SP140: variants seen among roughly 807,000 people sequenced by gnomAD.
SP140 encodes the protein nuclear body protein SP140.
A neutral mutation model predicts 125.0 loss-of-function variants in SP140; 81 were observed. The ratio of observed to expected loss-of-function variants is 0.65; its 90% CI spans 0.54 to 0.78. The LOEUF is 0.78. SP140 is among the 30% of genes least tolerant of loss of function. The pLI, the probability that SP140 is intolerant of heterozygous loss-of-function variation, is 0.00. For synonymous variants in SP140, 312 were observed against 354.0 expected (o/e 0.88, Z 1.33); for missense variants, 858 against 1,037.0 (o/e 0.83, Z 2.37).
At chr2:230,274,846 C>T (rs568099441) in intron 15 of SP140, among the ~76,000 whole-genome samples, 4 of 151,904 alleles carry the variant, frequency 2.6e-5, no homozygotes, top group African/African-American at 9.7e-5. Flanking sequence ...GCTTTGTTAG[C>T]ACATTTAGAA....
At chr2:230,195,124 C>T in the SP140 span, among the ~76,000 whole-genome samples, 2 of 151,850 alleles carry the variant, frequency 1.3e-5, no homozygotes, top group Non-Finnish European at 2.9e-5. Context: ...AGAAAAAACC[C>T]ACATCTTTTA....
At position 230,211,245 on chromosome 2, in the gene SP140, C is replaced by T. The variant is rs1441959478; in HGVS notation, c.-322-2409C>T. Among the ~76,000 whole-genome samples the T allele has an allele frequency of 6.6e-6, 1 of 152,154 alleles. No individual in the cohort carries two copies. Among genetic ancestry groups the T allele is most frequent in the Non-Finnish European group, 1.5e-5 (1 of 68,028 alleles). Reference sequence around the variant, plus strand: ...TCATCCGTGGCCCTATCCAAGTCTACCTTTTCCAGACTTGCCTCCTTTGCC... The same window carrying T: ...TCATCCGTGGCCCTATCCAAGTCTATCTTTTCCAGACTTGCCTCCTTTGCC... On this transcript the variant is annotated intron_variant, in intron 1 of 4. Coordinates refer to the SP140 transcript ENST00000456542. This position sits in a 1 kb window ranked among gnomAD's most constrained non-coding sequence, Gnocchi z 4.2.
the SP140 span, among the ~76,000 whole-genome samples, chr2:230,193,853 C>T: frequency 7.9e-5 from 12 of 152,276 alleles, no homozygotes; most frequent in East Asian, 2.3e-3. Flanking sequence ...CAAGCTTAGA[C>T]AAAATCTTGA....
At chr2:230,260,094 G>A (rs2051972882) in intron 12 of SP140, among the ~76,000 whole-genome samples, 1 of 151,976 alleles carries the variant, frequency 6.6e-6, no homozygotes, top group African/African-American at 2.4e-5. Context: ...CTGCATCCAT[G>A]CCAGCATCTA....
intron 12 of SP140, among the ~76,000 whole-genome samples, chr2:230,259,908 T>C (rs1380956128): frequency 6.6e-6 from 1 of 151,890 alleles, no homozygotes; most frequent in Non-Finnish European, 1.5e-5. Flanking sequence ...AACATGCATG[T>C]GCAAGTATCT....
Position 230,311,359 on chromosome 2 carries a change from C to T in SP140, c.2362-93C>T. 3 of 1,613,792 alleles carry T rather than the reference C, an allele frequency of 1.9e-6. No homozygotes were observed. In the South Asian group the frequency reaches 3.3e-5, roughly 18 times the overall value. On this transcript the variant is annotated intron_variant, in intron 25 of 26. Coordinates refer to ENST00000392045, the MANE Select transcript of SP140 (RefSeq NM_007237.5). ...CACACGCTGTCGTTAGTTGCCTTCA[C>T]CTTGTTGTATTTCTGCTGGATTTTA... is the stretch of plus-strand genomic sequence containing the variant.
chr2:230,284,355 G>T lies in SP140; in HGVS notation c.1508G>T (p.Arg503Met). Residue 503 changes from arginine to methionine, a missense_variant, in exon 16 of 27, where the codon AGG becomes ATG. Coordinates refer to ENST00000392045, the MANE Select transcript of SP140 (RefSeq NM_007237.5). ...TCTCTTTGGTTTGAAGGAAAAAAGA[G>T]GGGGCATGGCTGGAGCAGAATGAGA... The part of the protein sequence containing the change: ...GKPKRKRRKK[R>M]GHGWSRMRMR... 1.9e-6 allele frequency: 3 copies of T among 1,604,550 alleles called. No homozygotes were observed. Among genetic ancestry groups the T allele is most frequent in the Non-Finnish European group, 2.6e-6 (3 of 1,176,064 alleles).
intron 1 of SP140, chr2:230,209,782 A>G (rs1402149421): frequency 2.9e-6 from 2 of 701,400 alleles, no homozygotes; most frequent in East Asian, 4.9e-5. Context: ...TTTTTGGAAG[A>G]TGCAGCAAAT....
chr2:230,202,522 A>G (rs879010004), upstream of SP140: 4 of 1,563,256 alleles, frequency 2.6e-6, no homozygotes, highest in South Asian at 4.4e-5. Flanking sequence ...TACCTGCTTC[A>G]GGAGAGACCC....
chr2:230,209,613 C>T (rs1026539386), intron 1 of SP140, among the ~76,000 whole-genome samples: 13 of 152,162 alleles, frequency 8.5e-5, no homozygotes, highest in African/African-American at 2.7e-4. Flanking sequence ...AAGTGGGTTC[C>T]TCTCTGGGGA....
At chr2:230,309,189 C>G (rs1300590099) in intron 22 of SP140, among the ~76,000 whole-genome samples, 5 of 152,236 alleles carry the variant, frequency 3.3e-5, no homozygotes, top group African/African-American at 1.2e-4. Context: ...TTTTATGGGC[C>G]CAGGAAATGA....
chr2:230,292,936 A>G (rs1256663104), intron 20 of SP140, 148 bp downstream of exon 20: 5 of 1,181,270 alleles, frequency 4.2e-6, no homozygotes, highest in African/African-American at 1.5e-5. Flanking sequence ...GGGACCCCAC[A>G]TTCATAACCA....
chr2:230,202,188 A>T (rs572141943), upstream of SP140, among the ~76,000 whole-genome samples: 1 of 152,330 alleles, frequency 6.6e-6, no homozygotes, highest in South Asian at 2.1e-4. Flanking sequence ...CAATTGGTTT[A>T]TTATTGTTAC....
At chr2:230,314,421 G>A (rs150826133), downstream of SP140, among the ~76,000 whole-genome samples, 2,166 of 152,312 alleles carry the variant, frequency 0.014, 55 homozygotes, top group African/African-American at 0.05. Context: ...ATTGTGTCTG[G>A]GAGTGGATCC....
chr2:230,299,457 C>A (rs1331313580), intron 22 of SP140, among the ~76,000 whole-genome samples: 2 of 152,192 alleles, frequency 1.3e-5, no homozygotes, highest in Non-Finnish European at 2.9e-5. Flanking sequence ...GCATTTCAGT[C>A]CCCAGGGAAG....
intron 1 of SP140, among the ~76,000 whole-genome samples, chr2:230,208,373 G>GTGA (rs2044107473): frequency 6.6e-6 from 1 of 152,220 alleles, no homozygotes; most frequent in African/African-American, 2.4e-5. Context: ...TTAATGAGCT[G>GTGA]TGATACATGT....
chr2:230,275,513 C>G (rs1421024754), intron 15 of SP140, among the ~76,000 whole-genome samples: 1 of 152,138 alleles, frequency 6.6e-6, no homozygotes, highest in African/African-American at 2.4e-5. Flanking sequence ...GATGGCAAAC[C>G]TAATAAATGT....
chr2:230,214,841 A>G, intron 3 of SP140: 1 of 910,240 alleles, frequency 1.1e-6, no homozygotes, highest in East Asian at 2.5e-5. Flanking sequence ...ATTCCACCCC[A>G]GAGAGAAGGC....
chr2:230,286,275 T>C (rs1284761382), intron 17 of SP140, among the ~76,000 whole-genome samples: 1 of 152,228 alleles, frequency 6.6e-6, no homozygotes, highest in Non-Finnish European at 1.5e-5. Flanking sequence ...GGGACCTTTC[T>C]GACCTAGTAT....
Sources: allele counts gnomAD v4.1 joint callset (sites outside exome capture counted in the v4.1 genomes callset), GRCh38; gene constraint gnomAD v4.1.1; non-coding constraint Gnocchi (gnomAD v3.1); transcripts MANE v1.5; gene names NCBI Gene and HGNC (gene_info 2026-07-23, HGNC 2026-07-21).